Variants in TECTA observed in about 807,000 individuals in gnomAD.
TECTA encodes alpha-tectorin.
A neutral mutation model predicts 216.8 loss-of-function variants in TECTA; 128 were observed. That is an observed-to-expected ratio of 0.59 (90% confidence interval 0.51 to 0.68). TECTA has a LOEUF of 0.68. Among genes scored for constraint, TECTA ranks in the 30% least tolerant of loss-of-function variants. The pLI, the probability that TECTA is intolerant of heterozygous loss-of-function variation, is 0.00. For missense variants in TECTA, 2,551 were observed against 2,786.2 expected (o/e 0.92, Z 1.90); for synonymous variants, 1,089 against 1,117.1 (o/e 0.97, Z 0.50).
intron 6 of TECTA, among the ~76,000 whole-genome samples, chr11:121,115,185 C>T (rs989937259): frequency 2.7e-5 from 4 of 150,806 alleles, no homozygotes; most frequent in African/African-American, 9.8e-5. Context: ...ACCTACCCAC[C>T]CACCCATTCA....
chr11:121,159,641 C>T (rs1346817968), intron 14 of TECTA, among the ~76,000 whole-genome samples: 3 of 152,136 alleles, frequency 2.0e-5, no homozygotes, highest in East Asian at 1.9e-4. Context: ...AGCAAGAAAA[C>T]GATAAATATG....
chr11:121,140,440 T>C (rs1946773060), intron 11 of TECTA, among the ~76,000 whole-genome samples: 1 of 152,160 alleles, frequency 6.6e-6, no homozygotes, highest in Non-Finnish European at 1.5e-5. Flanking sequence ...ATTGCTGAAG[T>C]CCCAAGCCTG....
At chr11:121,107,637 A>G (rs1442586708) in intron 3 of TECTA, among the ~76,000 whole-genome samples, 2 of 152,186 alleles carry the variant, frequency 1.3e-5, no homozygotes, top group Non-Finnish European at 2.9e-5. Flanking sequence ...TGCAGTTCCC[A>G]TTACAGGTAC....
At chr11:121,157,313 A>C (rs1448983219) in intron 13 of TECTA, among the ~76,000 whole-genome samples, 1 of 152,176 alleles carries the variant, frequency 6.6e-6, no homozygotes, top group East Asian at 1.9e-4. Flanking sequence ...GATTAAAATC[A>C]ATCAAGTTAT....
chr11:121,113,234 C>T lies in TECTA; in HGVS notation c.624+25C>T. 1 of 1,613,700 alleles carries T rather than the reference C, an allele frequency of 6.2e-7. No individual in the cohort carries two copies. The highest frequency in any genetic ancestry group is 1.1e-5 in the South Asian group (1 of 91,040). On this transcript the variant is annotated intron_variant, in intron 5 of 23. Coordinates refer to ENST00000392793, the MANE Select transcript of TECTA (RefSeq NM_005422.4). This position sits in a 1 kb window ranked among gnomAD's most constrained non-coding sequence, Gnocchi z 4.2. Reference sequence around the variant, plus strand: ...GGTAGGTGGCTCTCCACTTCATCCCCCGCGTGTTTCCGTCGCTGCACTCTC... The same window carrying T: ...GGTAGGTGGCTCTCCACTTCATCCCTCGCGTGTTTCCGTCGCTGCACTCTC...
chr11:121,109,193 CCT>C lies in TECTA; in HGVS notation c.199-13_199-12del, dbSNP rs1419902838. On this transcript the variant is annotated splice_polypyrimidine_tract_variant and intron_variant, in intron 3 of 23. Coordinates refer to ENST00000392793, the MANE Select transcript of TECTA (RefSeq NM_005422.4). ...ATGGTTTCAGATCCACTGTGCAAAA[CCT>C]CTCTTATTTTCGTAGGTCAATAACA... 5.6e-6 allele frequency: 9 copies of C among 1,613,964 alleles called. No individual in the cohort carries two copies. Among genetic ancestry groups the C allele is most frequent in the Non-Finnish European group, 5.9e-6 (7 of 1,179,966 alleles).
At chr11:121,176,532 G>A (rs186600145) in intron 20 of TECTA, among the ~76,000 whole-genome samples, 1,317 of 91,420 alleles carry the variant, frequency 0.014, 26 homozygotes, top group African/African-American at 0.035. Flanking sequence ...TAGAGTTTCT[G>A]CCAAGAGATC....
intron 12 of TECTA, among the ~76,000 whole-genome samples, chr11:121,152,390 G>A (rs972912422): frequency 2.6e-5 from 4 of 152,222 alleles, no homozygotes; most frequent in African/African-American, 7.2e-5. Context: ...GACATTGGTC[G>A]AAGAGGGAGA....
At chr11:121,101,844 C>T (rs7938060) in intron 1 of TECTA, among the ~76,000 whole-genome samples, 5,714 of 152,276 alleles carry the variant, frequency 0.038, 262 homozygotes, top group African/African-American at 0.11. Context: ...GTGTTCTCAT[C>T]GCAGCTTTGC....
rs1401494565 is a variant in TECTA at position 121,189,639 on chromosome 11, G to A, written c.6251-125G>A. ...TCCACCCGCCTCGGCCTCCCAAAGTGCTGGGATTACAGGCGTGAGCCACCG... is the reference window on the plus strand; with the variant it reads ...TCCACCCGCCTCGGCCTCCCAAAGTACTGGGATTACAGGCGTGAGCCACCG... On this transcript the variant is annotated intron_variant, in intron 22 of 23. Coordinates refer to ENST00000392793, the MANE Select transcript of TECTA (RefSeq NM_005422.4). 4 of 878,902 alleles carry A rather than the reference G, an allele frequency of 4.6e-6. No homozygotes were observed. In the Admixed American group the frequency reaches 7.1e-5, roughly 16 times the overall value. 54.4% of individuals were successfully genotyped at this position (878,902 alleles called of 1,614,324 possible). A position where few individuals can be genotyped will look rare whatever the true frequency, so the allele number is the denominator to read the frequency against.
In TECTA at chr11:121,189,865, G is replaced by A. The variant is rs774547226; in HGVS notation, c.6352G>A (p.Gly2118Ser). 8.7e-6 allele frequency: 14 copies of A among 1,612,874 alleles called. No individual in the cohort carries two copies. The highest frequency in any genetic ancestry group is 6.6e-5 in the South Asian group (6 of 91,040). Residue 2118 changes from glycine to serine, a missense_variant, in exon 23 of 24, where the codon GGC becomes AGC. This residue lies in a region of TECTA where 118 missense variants were observed against 116.4 expected (regional missense o/e 1.01). Transcript: ENST00000392793. ...SCVTGTLQED[G>S]KSCRASNSSM... ...TGTAACAGGAACCCTGCAGGAGGAC[G>A]GCAAGAGCTGCAGAGGTAGACACTC...
At position 121,146,016 on chromosome 11, in the gene TECTA, G is replaced by T. The variant is rs1241909356; in HGVS notation, c.4005G>T (p.Gly1335=). 1.9e-6 allele frequency: 3 copies of T among 1,614,088 alleles called. No individual in the cohort carries two copies. Among genetic ancestry groups the T allele is most frequent in the South Asian group, 1.1e-5 (1 of 91,090 alleles). Residue 1335 remains glycine (G), a synonymous_variant, in exon 12 of 24, where the codon GGG becomes GGT. Coordinates refer to ENST00000392793, the MANE Select transcript of TECTA (RefSeq NM_005422.4). ...GCCTGTTTGACTCTTGCATCGATGG[G>T]GGCGCGGTGCAGACCGCCTGCAGCT... ...KNCLFDSCID[G]GAVQTACSWL...
chr11:121,187,972 C>T lies in TECTA; in HGVS notation c.6140C>T (p.Ser2047Leu), dbSNP rs371297169. ...HLHCAVSLCD[S>L]EKYSCKITCP... ...CACTGTGCAGTGTCACTCTGCGACT[C>T]AGAAAAGTACTCCTGTAAAATCGTA... Residue 2047 changes from serine (S) to leucine (L), a missense_variant, in exon 21 of 24, where the codon TCA (serine) becomes TTA (leucine). Physicochemically the swap from Ser to Leu is moderately radical, Grantham distance 145. Transcript: ENST00000392793. 2.0e-5 allele frequency: 33 copies of T among 1,614,074 alleles called. No individual in the cohort carries two copies. The highest frequency in any genetic ancestry group is 5.3e-5 in the African/African-American group (4 of 74,920).
At chr11:121,163,741 A>G (rs569169718) in intron 16 of TECTA, among the ~76,000 whole-genome samples, 1 of 152,360 alleles carries the variant, frequency 6.6e-6, no homozygotes, top group South Asian at 2.1e-4. Context: ...GGCATGTCTT[A>G]TTTGCCAGTT....
chr11:121,166,162 T>C (rs537602766), intron 17 of TECTA, among the ~76,000 whole-genome samples: 10 of 152,336 alleles, frequency 6.6e-5, no homozygotes, highest in Non-Finnish European at 1.2e-4. Context: ...ACTAGGGTTC[T>C]GCTGAGCTGA....
Position 121,166,658 on chromosome 11 carries a change from C to T in TECTA, c.5464C>T (p.Gln1822Ter). 3 of 1,614,170 alleles carry T rather than the reference C, an allele frequency of 1.9e-6. No individual in the cohort carries two copies. Among genetic ancestry groups the T allele is most frequent in the Non-Finnish European group, 2.5e-6 (3 of 1,180,034 alleles). ...GTCCATATCTAAGTGCAAGCTCTTCCAGCTCGGTTTTGAGAGGGAGGGCGT... is the reference window on the plus strand; with the variant it reads ...GTCCATATCTAAGTGCAAGCTCTTCTAGCTCGGTTTTGAGAGGGAGGGCGT... The part of the protein sequence containing the change: ...EVSISKCKLF[Q>*]LGFEREGVRI... The change falls in exon 18 of 24, where the codon CAG (glutamine) becomes TAG (stop). Residue 1822 changes from glutamine to a stop codon, truncating the protein, a stop_gained. Transcript: ENST00000392793. LOFTEE classifies it high-confidence loss of function.
intron 8 of TECTA, among the ~76,000 whole-genome samples, chr11:121,126,857 T>C (rs1946617625): frequency 6.6e-6 from 1 of 152,266 alleles, no homozygotes; most frequent in Admixed American, 6.5e-5. Flanking sequence ...AAGTTGAGAT[T>C]GAATATGGCT....
Position 121,113,605 on chromosome 11 carries a change from G to A in TECTA, c.677G>A (p.Arg226Lys). 1 of 1,613,902 alleles carries A rather than the reference G, an allele frequency of 6.2e-7. No individual in the cohort carries two copies. Among genetic ancestry groups the A allele is most frequent in the Non-Finnish European group, 8.5e-7 (1 of 1,180,006 alleles). Residue 226 changes from arginine (R) to lysine (K), a missense_variant, in exon 6 of 24, where the codon AGA becomes AAA. Arg to Lys is a conservative substitution (Grantham distance 26). Coordinates refer to ENST00000392793, the MANE Select transcript of TECTA (RefSeq NM_005422.4). The surrounding 1 kb of genome is among the most constrained non-coding windows in gnomAD (Gnocchi z 4.2). Reference protein sequence around the residue: ...LTNFFSLPGSRTPEIVNIQET... With the variant: ...LTNFFSLPGSKTPEIVNIQET... ...AATTTCTTCAGCCTCCCGGGGTCAA[G>A]AACCCCCGAGATCGTGAATATCCAG...
intron 13 of TECTA, among the ~76,000 whole-genome samples, chr11:121,157,607 T>C (rs1946954131): frequency 6.6e-6 from 1 of 152,088 alleles, no homozygotes; most frequent in South Asian, 2.1e-4. Context: ...TAAAAATAAA[T>C]TAATAAGTAA....
Sources: allele counts gnomAD v4.1 joint callset (sites outside exome capture counted in the v4.1 genomes callset), GRCh38; gene constraint gnomAD v4.1.1; regional missense constraint gnomAD v4.1.1; non-coding constraint Gnocchi (gnomAD v3.1); transcripts MANE v1.5; gene names NCBI Gene and HGNC (gene_info 2026-07-23, HGNC 2026-07-21).